HDAC4: variants seen among roughly 807,000 people sequenced by gnomAD.
HDAC4 encodes the protein histone deacetylase A.
HDAC4 carries 16 observed loss-of-function variants against 135.1 expected under a neutral mutation model. That is an observed-to-expected ratio of 0.12 (90% CI 0.08 to 0.18). The LOEUF is 0.18. Ranked by LOEUF, HDAC4 falls within the 10% of genes least tolerant of loss-of-function variation. The probability of loss-of-function intolerance (pLI) is 1.00; values close to 1 mark genes in which losing one functional copy is unlikely to be tolerated. For synonymous variants in HDAC4, 685 were observed against 653.4 expected (o/e 1.05, Z -0.74); for missense variants, 1,143 against 1,511.8 (o/e 0.76, Z 4.05).
At chr2:239,389,465 C>T (rs182565941) in intron 1 of HDAC4, among the ~76,000 whole-genome samples, 370 of 152,288 alleles carry the variant, frequency 2.4e-3, no homozygotes, top group Non-Finnish European at 3.9e-3. Flanking sequence ...ACTCCGGACA[C>T]ACCATCTTTA....
At chr2:239,074,061 AAG>A (rs2034487867) in intron 22 of HDAC4, among the ~76,000 whole-genome samples, 1 of 123,496 alleles carries the variant, frequency 8.1e-6, no homozygotes, top group Non-Finnish European at 1.8e-5. Context: ...CTGAGTGGGG[AAG>A]CAGGACTGAG....
chr2:239,084,677 ACCCT>A (rs2035721981), intron 19 of HDAC4, among the ~76,000 whole-genome samples: 1 of 142,024 alleles, frequency 7.0e-6, no homozygotes, highest in Non-Finnish European at 1.5e-5. Context: ...ACAGAGACAC[ACCCT>A]CCCACACAGA....
chr2:239,370,056 C>T (rs1445813376), intron 1 of HDAC4, among the ~76,000 whole-genome samples: 1 of 152,238 alleles, frequency 6.6e-6, no homozygotes, highest in Non-Finnish European at 1.5e-5. Context: ...GAAAAGCACG[C>T]CCAGATGCAC....
rs1308880801 is a variant in HDAC4, at chr2:239,308,596, G to GT, written c.22+44081dup. ...CCACACTTCGTATCCAGGTGAGCTC[G>GT]TTTTTTGTATTTCAAAAGCACAAAG... is the stretch of plus-strand genomic sequence containing the variant. On this transcript the variant is annotated intron_variant, in intron 2 of 26. Transcript: ENST00000543185. The surrounding 1 kb of genome is among the most constrained non-coding windows in gnomAD (Gnocchi z 4.2). 6.6e-6 allele frequency among the ~76,000 whole-genome samples: 1 copy of GT among 152,164 alleles called. No individual in the cohort carries two copies. The highest frequency in any genetic ancestry group is 1.5e-5 in the Non-Finnish European group (1 of 68,032).
intron 6 of HDAC4, among the ~76,000 whole-genome samples, chr2:239,163,174 T>A (rs1048262306): frequency 1.3e-5 from 2 of 152,142 alleles, no homozygotes; most frequent in African/African-American, 4.8e-5. Context: ...GTCAATTGCG[T>A]GGGCCCTGGC....
chr2:239,307,598 G>A lies in HDAC4; in HGVS notation c.22+45080C>T, dbSNP rs1559351024. Among the ~76,000 whole-genome samples the A allele has an allele frequency of 6.6e-6, 1 of 152,114 alleles. No individual in the cohort carries two copies. ...TTCCTGGACCTCGCAGACTCACCAG[G>A]GACCCTAAACTTGGTTTTCCAAATA... On this transcript the variant is annotated intron_variant, in intron 2 of 26. Coordinates refer to ENST00000543185, the MANE Select transcript of HDAC4 (RefSeq NM_001378414.1). This position sits in a 1 kb window ranked among gnomAD's most constrained non-coding sequence, Gnocchi z 4.8.
At chr2:239,269,544 G>T (rs533488965) in intron 2 of HDAC4, among the ~76,000 whole-genome samples, 4 of 152,212 alleles carry the variant, frequency 2.6e-5, no homozygotes, top group Non-Finnish European at 5.9e-5. Context: ...CAGAACCCCA[G>T]TTTTCCCCAC....
At chr2:239,312,260 G>A (rs982646894) in intron 2 of HDAC4, among the ~76,000 whole-genome samples, 2 of 152,116 alleles carry the variant, frequency 1.3e-5, no homozygotes, top group African/African-American at 2.4e-5. Context: ...TCCCAACTAA[G>A]AGAACCCTGG....
intron 3 of HDAC4, among the ~76,000 whole-genome samples, chr2:239,221,285 G>A (rs886322613): frequency 7.2e-5 from 11 of 152,204 alleles, no homozygotes; most frequent in Non-Finnish European, 1.3e-4. Context: ...GCACAGGAGC[G>A]GGGGACACCA....
At chr2:239,360,995 C>G (rs1332600219) in intron 1 of HDAC4, among the ~76,000 whole-genome samples, 1 of 152,214 alleles carries the variant, frequency 6.6e-6, no homozygotes, top group East Asian at 1.9e-4. Context: ...ACACCCACGT[C>G]CCACCTCCCA....
At chr2:239,191,942 G>A (rs1228521154) in intron 3 of HDAC4, among the ~76,000 whole-genome samples, 6 of 152,210 alleles carry the variant, frequency 3.9e-5, no homozygotes, top group Non-Finnish European at 7.3e-5. Flanking sequence ...GGGCTGCCTC[G>A]TTGTTATTGT....
chr2:239,196,170 G>A (rs1187067887), intron 3 of HDAC4, among the ~76,000 whole-genome samples: 4 of 151,280 alleles, frequency 2.6e-5, no homozygotes, highest in Non-Finnish European at 4.4e-5. Flanking sequence ...GGAAGAGAGA[G>A]GATGGGACAG....
chr2:239,216,704 C>T (rs1156563910), intron 3 of HDAC4, among the ~76,000 whole-genome samples: 1 of 152,318 alleles, frequency 6.6e-6, no homozygotes. Context: ...CCCTGCTGCA[C>T]TCCTTCCTCC....
chr2:239,210,694 C>T (rs1019140730), intron 3 of HDAC4, among the ~76,000 whole-genome samples: 3 of 152,102 alleles, frequency 2.0e-5, no homozygotes, highest in Non-Finnish European at 2.9e-5. Context: ...AAGGAGGAAA[C>T]GCCAGTTTAG....
chr2:239,343,262 TAAAC>T lies in HDAC4; in HGVS notation c.22+9412_22+9415del, dbSNP rs747369153. On this transcript the variant is annotated intron_variant, in intron 2 of 26. Transcript: ENST00000543185. ...CATTTTTTGCCATGTTCTCATGAAA[TAAAC>T]AAAGAGAAGGATGCTAAGTGGCCAC... Among the ~76,000 whole-genome samples, 81 of 152,302 alleles carry T rather than the reference TAAAC, an allele frequency of 5.3e-4. 1 individual carries two copies. The highest frequency in any genetic ancestry group is 1.2e-3 in the South Asian group (6 of 4,830).
rs905186684 is a variant in HDAC4 at position 239,052,825 on chromosome 2, A to T, written c.*272T>A. On this transcript the variant is annotated 3_prime_UTR_variant, in exon 27 of 27. Coordinates refer to ENST00000543185, the MANE Select transcript of HDAC4 (RefSeq NM_001378414.1). ...CGGCGTCCCTTGCGGGACCCGCCAG[A>T]GTGTGCTTGGCTTCCGCGTGTCCGT... The T allele has an allele frequency of 1.6e-5, 8 of 504,792 alleles. No individual in the cohort carries two copies. The highest frequency in any genetic ancestry group is 5.8e-5 in the African/African-American group (3 of 52,162). 31.3% of individuals were successfully genotyped at this position (504,792 alleles called of 1,614,324 possible).
At chr2:239,208,735 T>C (rs1350001974) in intron 3 of HDAC4, among the ~76,000 whole-genome samples, 1 of 149,788 alleles carries the variant, frequency 6.7e-6, no homozygotes, top group African/African-American at 2.5e-5. Flanking sequence ...TTAGATAAGA[T>C]CAACATAGAA....
intron 3 of HDAC4, among the ~76,000 whole-genome samples, chr2:239,198,037 C>G (rs1020603456): frequency 3.9e-5 from 6 of 152,096 alleles, no homozygotes; most frequent in Non-Finnish European, 7.4e-5. Flanking sequence ...CCCTTCCTCC[C>G]TTCCTTCCAT....
chr2:239,392,921 G>A (rs1696324771), intron 1 of HDAC4, among the ~76,000 whole-genome samples: 1 of 152,170 alleles, frequency 6.6e-6, no homozygotes, highest in Non-Finnish European at 1.5e-5. Context: ...GTGGCACTGG[G>A]GGTGCCAGCT....
Sources: allele counts gnomAD v4.1 joint callset (sites outside exome capture counted in the v4.1 genomes callset), GRCh38; gene constraint gnomAD v4.1.1; non-coding constraint Gnocchi (gnomAD v3.1); transcripts MANE v1.5; gene names NCBI Gene and HGNC (gene_info 2026-07-23, HGNC 2026-07-21).